Variants in CORIN observed in about 807,000 individuals in gnomAD.
CORIN encodes corin, serine peptidase, also known as atrial natriuretic peptide-converting enzyme.
CORIN carries 117 observed loss-of-function variants against 125.3 expected under a neutral mutation model. The observed-to-expected ratio is 0.93, with a 90% CI of 0.80 to 1.09. The LOEUF is 1.09. Ranked by LOEUF, CORIN falls within the 50% of genes least tolerant of loss-of-function variation. The pLI is 0.00. For synonymous variants in CORIN, 450 were observed against 466.4 expected (o/e 0.96, Z 0.45); for missense variants, 1,253 against 1,306.7 (o/e 0.96, Z 0.63).
At chr4:47,789,145 C>CAAA (rs1344212069) in intron 2 of CORIN, among the ~76,000 whole-genome samples, 2 of 151,982 alleles carry the variant, frequency 1.3e-5, no homozygotes, top group African/African-American at 4.8e-5. Flanking sequence ...ACTAAAAATA[C>CAAA]AAAATAAAAT....
intron 12 of CORIN, among the ~76,000 whole-genome samples, chr4:47,658,458 A>G (rs761015283): frequency 2.6e-5 from 4 of 152,244 alleles, no homozygotes; most frequent in Non-Finnish European, 4.4e-5. Flanking sequence ...GGAGGGCAGA[A>G]GCCTACTTCC....
intron 16 of CORIN, among the ~76,000 whole-genome samples, chr4:47,636,189 A>G (rs970997883): frequency 2.0e-5 from 3 of 152,216 alleles, no homozygotes; most frequent in African/African-American, 7.2e-5. Context: ...AGGGCATAAA[A>G]TCAAATTGCA....
intron 5 of CORIN, among the ~76,000 whole-genome samples, chr4:47,700,998 T>G (rs1201144444): frequency 6.6e-6 from 1 of 152,244 alleles, no homozygotes; most frequent in Non-Finnish European, 1.5e-5. Flanking sequence ...CCTTCACTAC[T>G]GAGAATGCAA....
chr4:47,630,496 C>T (rs1577757769), intron 16 of CORIN, among the ~76,000 whole-genome samples: 3 of 152,220 alleles, frequency 2.0e-5, no homozygotes, highest in Admixed American at 2.0e-4. Context: ...TCACTGTATC[C>T]TAACTGAGTC....
Position 47,653,593 on chromosome 4 carries a change from G to A in CORIN, c.1803C>T (p.Gly601=). ...QCVLASRRCD[G]QADCDDDSDE... ...CACTGTCATCGTCACAGTCGGCCTG[G>A]CCATCACATCTTCTGGAAGCCAGAA... The change falls in exon 13 of 22, where the codon GGC becomes GGT. Residue 601 remains glycine (G), a synonymous_variant. Coordinates refer to ENST00000273857, the MANE Select transcript of CORIN (RefSeq NM_006587.4). 1 of 1,614,028 alleles carries A rather than the reference G, an allele frequency of 6.2e-7. No homozygotes were observed.
intron 11 of CORIN, 53 bp downstream of exon 11, chr4:47,664,979 C>T (rs909180295): frequency 1.4e-5 from 18 of 1,276,972 alleles, no homozygotes; most frequent in Non-Finnish European, 1.9e-5. Flanking sequence ...GTCTTCACCC[C>T]TTGGTTCTCT....
intron 16 of CORIN, chr4:47,632,052 C>T (rs972526041): frequency 6.6e-6 from 1 of 152,188 alleles, no homozygotes; most frequent in Non-Finnish European, 1.5e-5. Flanking sequence ...ACTCTCCCAT[C>T]CTCAAGTCAC....
intron 5 of CORIN, among the ~76,000 whole-genome samples, chr4:47,714,484 G>A (rs1361990351): frequency 6.6e-6 from 1 of 152,198 alleles, no homozygotes; most frequent in East Asian, 1.9e-4. Flanking sequence ...CTTGGCCAAT[G>A]TCATAAAGCT....
chr4:47,634,800 G>A (rs1382541339), intron 16 of CORIN, among the ~76,000 whole-genome samples: 1 of 152,162 alleles, frequency 6.6e-6, no homozygotes, highest in African/African-American at 2.4e-5. Flanking sequence ...AAAAGAGAAA[G>A]TCATGTACAA....
At chr4:47,805,915 C>G (rs1182739272) in intron 2 of CORIN, among the ~76,000 whole-genome samples, 1 of 152,132 alleles carries the variant, frequency 6.6e-6, no homozygotes, top group Non-Finnish European at 1.5e-5. Flanking sequence ...TTTGATTGCA[C>G]ATATTTTTTG....
chr4:47,675,622 A>T (rs990249238), intron 9 of CORIN, among the ~76,000 whole-genome samples: 8 of 152,236 alleles, frequency 5.3e-5, no homozygotes, highest in African/African-American at 1.9e-4. Flanking sequence ...GCATTAAAAC[A>T]TAAAAGGGCA....
chr4:47,663,871 A>C (rs2109669771), intron 11 of CORIN, among the ~76,000 whole-genome samples: 1 of 152,306 alleles, frequency 6.6e-6, no homozygotes, highest in Admixed American at 6.5e-5. Flanking sequence ...TACACAAGCT[A>C]ACATTTAGTT....
At chr4:47,776,876 T>A (rs1309036216) in intron 3 of CORIN, among the ~76,000 whole-genome samples, 2 of 152,164 alleles carry the variant, frequency 1.3e-5, no homozygotes, top group African/African-American at 4.8e-5. Flanking sequence ...AGCTCCAGGA[T>A]AGACCTTTAA....
intron 5 of CORIN, among the ~76,000 whole-genome samples, chr4:47,695,902 G>C (rs1038584638): frequency 3.3e-5 from 5 of 152,116 alleles, no homozygotes; most frequent in African/African-American, 1.2e-4. Context: ...CATAATTAAG[G>C]AAAGATGAAA....
chr4:47,808,698 A>C (rs1239402195), intron 1 of CORIN, among the ~76,000 whole-genome samples: 1 of 152,216 alleles, frequency 6.6e-6, no homozygotes, highest in Non-Finnish European at 1.5e-5. Flanking sequence ...ACTGATCTTC[A>C]AGAAGACAAT....
At chr4:47,643,895 G>A (rs1447219750) in intron 14 of CORIN, among the ~76,000 whole-genome samples, 1 of 152,020 alleles carries the variant, frequency 6.6e-6, no homozygotes, top group African/African-American at 2.4e-5. Flanking sequence ...TTTTTTGTTT[G>A]TTTGTTTCTG....
intron 13 of CORIN, among the ~76,000 whole-genome samples, chr4:47,649,567 A>G (rs1350803795): frequency 6.6e-6 from 1 of 152,208 alleles, no homozygotes; most frequent in Non-Finnish European, 1.5e-5. Flanking sequence ...CCAAGCTGTG[A>G]GAGATAATGT....
intron 19 of CORIN, among the ~76,000 whole-genome samples, chr4:47,612,707 T>G (rs1291396463): frequency 6.6e-6 from 1 of 152,138 alleles, no homozygotes; most frequent in East Asian, 1.9e-4. Flanking sequence ...ACAACTAAAC[T>G]TCTCTGAAAC....
At chr4:47,691,589 G>C (rs530039220) in intron 6 of CORIN, among the ~76,000 whole-genome samples, 5 of 152,252 alleles carry the variant, frequency 3.3e-5, no homozygotes, top group East Asian at 3.9e-4. Flanking sequence ...ATAAATAAAG[G>C]TGAAGATTCA....
Sources: allele counts gnomAD v4.1 joint callset (sites outside exome capture counted in the v4.1 genomes callset), GRCh38; gene constraint gnomAD v4.1.1; transcripts MANE v1.5; gene names NCBI Gene and HGNC (gene_info 2026-07-23, HGNC 2026-07-21).